Variants in CDH6 observed in about 807,000 individuals in gnomAD.
CDH6 encodes cadherin-6.
Under a neutral mutation model 78.0 loss-of-function variants are expected in CDH6, and 31 were observed. That is an observed-to-expected ratio of 0.40 (90% CI 0.30 to 0.54). The LOEUF is 0.54. Among genes scored for constraint, CDH6 ranks in the 20% least tolerant of loss-of-function variants. CDH6 has a pLI of 0.56. For synonymous variants in CDH6, 376 were observed against 368.8 expected (o/e 1.02, Z -0.23); for missense variants, 724 against 975.9 (o/e 0.74, Z 3.44).
At chr5:31,235,557 A>G (rs1226781455) in intron 1 of CDH6, among the ~76,000 whole-genome samples, 1 of 152,188 alleles carries the variant, frequency 6.6e-6, no homozygotes, top group Non-Finnish European at 1.5e-5. Flanking sequence ...GCAAGCAGCT[A>G]CTGACCACGT....
At position 31,293,948 on chromosome 5, in the gene CDH6, T is replaced by G. The variant is rs781538526; in HGVS notation, c.229-14T>G. 1.2e-5 allele frequency: 18 copies of G among 1,536,816 alleles called. No individual in the cohort carries two copies. In the Admixed American group the frequency reaches 1.3e-4, roughly 11 times the overall value. ...TTGACTTTTACTTTCTTTAATTTTTTTTTTCTACACTAGTTACATTCAGAC... is the reference window on the plus strand; with the variant it reads ...TTGACTTTTACTTTCTTTAATTTTTGTTTTCTACACTAGTTACATTCAGAC... On this transcript the variant is annotated splice_polypyrimidine_tract_variant and intron_variant, in intron 2 of 11. Coordinates refer to ENST00000265071, the MANE Select transcript of CDH6 (RefSeq NM_004932.4).
chr5:31,245,232 A>G (rs989411121), intron 1 of CDH6, among the ~76,000 whole-genome samples: 7 of 152,228 alleles, frequency 4.6e-5, no homozygotes, highest in Non-Finnish European at 1.0e-4. Context: ...AGGAAGGCCT[A>G]AAATAGTCAT....
intron 1 of CDH6, among the ~76,000 whole-genome samples, chr5:31,210,729 A>G (rs1370120990): frequency 1.3e-5 from 2 of 152,194 alleles, no homozygotes; most frequent in Admixed American, 1.3e-4. Context: ...TAAATTACTT[A>G]TAATACCTAA....
rs537751221 is a variant in CDH6 at position 31,325,002 on chromosome 5, A to G, written c.*1694A>G. On this transcript the variant is annotated 3_prime_UTR_variant, in exon 12 of 12. Coordinates refer to ENST00000265071, the MANE Select transcript of CDH6 (RefSeq NM_004932.4). ...TTTTCAATTAATATTAATTTTCTAC[A>G]AATAATTTTAGTGTCATTTCCATTT... is the stretch of plus-strand genomic sequence containing the variant. The G allele has an allele frequency of 2.0e-4, 41 of 207,712 alleles. No individual in the cohort carries two copies. The Admixed American group carries it at 2.4e-3, about 12-fold the overall frequency. 12.9% of individuals were successfully genotyped at this position (207,712 alleles called of 1,614,324 possible).
intron 1 of CDH6, among the ~76,000 whole-genome samples, chr5:31,224,404 G>A (rs1353887805): frequency 1.3e-5 from 2 of 152,244 alleles, no homozygotes; most frequent in South Asian, 2.1e-4. Flanking sequence ...ATATCACCCT[G>A]TAAGACATGG....
At chr5:31,311,553 C>A (rs768932228) in intron 7 of CDH6, among the ~76,000 whole-genome samples, 12 of 152,124 alleles carry the variant, frequency 7.9e-5, no homozygotes, top group Non-Finnish European at 7.4e-5. Context: ...TTCCTGGTAC[C>A]AATTTTCTGT....
intron 2 of CDH6, among the ~76,000 whole-genome samples, chr5:31,280,579 T>C (rs901455852): frequency 6.6e-6 from 1 of 152,164 alleles, no homozygotes; most frequent in African/African-American, 2.4e-5. Flanking sequence ...GTTATTAAAG[T>C]AGCAGAGAGT....
intron 6 of CDH6, 144 bp downstream of exon 6, chr5:31,302,442 G>C (rs1376821669): frequency 1.5e-6 from 1 of 655,670 alleles, no homozygotes; most frequent in African/African-American, 1.8e-5. Flanking sequence ...GCCAGTTCTG[G>C]CCGGGCATGG....
In CDH6 at chr5:31,317,899, C is replaced by T. The variant is rs1738371719; in HGVS notation, c.1857C>T (p.Ile619=). 6.2e-6 allele frequency: 10 copies of T among 1,613,794 alleles called. No homozygotes were observed. Among genetic ancestry groups the T allele is most frequent in the Admixed American group, 3.3e-5 (2 of 60,024 alleles). ...TGLSTGALVA[I]LLCIVILLVT... ...TGAGCACGGGGGCTCTGGTTGCCAT[C>T]CTTCTGTGCATCGTGATCCTACTAG... Residue 619 remains isoleucine (I), a synonymous_variant, in exon 11 of 12, where the codon ATC becomes ATT. Coordinates refer to ENST00000265071, the MANE Select transcript of CDH6 (RefSeq NM_004932.4).
Position 31,294,323 on chromosome 5 carries a change from C to A in CDH6, c.523+67C>A. The A allele has an allele frequency of 7.5e-7, 1 of 1,338,134 alleles. No homozygotes were observed. The highest frequency in any genetic ancestry group is 1.0e-6 in the Non-Finnish European group (1 of 955,884). 82.9% of individuals were successfully genotyped at this position (1,338,134 alleles called of 1,614,324 possible). On this transcript the variant is annotated intron_variant, in intron 3 of 11. Coordinates refer to ENST00000265071, the MANE Select transcript of CDH6 (RefSeq NM_004932.4). The surrounding 1 kb of genome is among the most constrained non-coding windows in gnomAD (Gnocchi z 4.1). ...AGTGCATCCACTGAGTAAGGAATCC[C>A]ACGAGCTCAAAGTACTGAACTGCAT...
chr5:31,202,550 C>A (rs889938452), intron 1 of CDH6, among the ~76,000 whole-genome samples: 1 of 151,894 alleles, frequency 6.6e-6, no homozygotes, highest in Non-Finnish European at 1.5e-5. Flanking sequence ...GAGGGAGAAT[C>A]GCTGGAACCC....
chr5:31,307,060 A>G (rs765656322), intron 7 of CDH6, among the ~76,000 whole-genome samples: 1 of 152,082 alleles, frequency 6.6e-6, no homozygotes. Flanking sequence ...CAGCTGGAAG[A>G]GAGTGAGAGA....
chr5:31,217,058 C>G (rs985098193), intron 1 of CDH6, among the ~76,000 whole-genome samples: 1 of 151,896 alleles, frequency 6.6e-6, no homozygotes, highest in African/African-American at 2.4e-5. Context: ...GTAATTCAGC[C>G]CAGGGCGTGT....
intron 1 of CDH6, among the ~76,000 whole-genome samples, chr5:31,263,994 C>G (rs59775462): frequency 0.03 from 4,557 of 152,244 alleles, 243 homozygotes; most frequent in African/African-American, 0.1. Flanking sequence ...ATGAATGAGT[C>G]CATCCTCCAG....
intron 2 of CDH6, among the ~76,000 whole-genome samples, chr5:31,288,602 G>T (rs191118005): frequency 6.6e-6 from 1 of 152,238 alleles, no homozygotes. Context: ...ATGCAGTTAA[G>T]CCTCAATTTG....
intron 2 of CDH6, among the ~76,000 whole-genome samples, chr5:31,274,713 A>G (rs999102668): frequency 5.9e-5 from 9 of 152,212 alleles, no homozygotes; most frequent in Non-Finnish European, 1.3e-4. Flanking sequence ...CCAGCTACTC[A>G]GGAGACTGAG....
intron 1 of CDH6, among the ~76,000 whole-genome samples, chr5:31,200,868 A>G (rs572711502): frequency 6.6e-6 from 1 of 152,280 alleles, no homozygotes; most frequent in East Asian, 1.9e-4. Flanking sequence ...GCCTTCAAGG[A>G]AAGTTTGATC....
At chr5:31,266,208 A>G (rs1742349408) in intron 1 of CDH6, among the ~76,000 whole-genome samples, 1 of 152,186 alleles carries the variant, frequency 6.6e-6, no homozygotes, top group African/African-American at 2.4e-5. Context: ...TAGTAAACCA[A>G]TTTGGGACAT....
chr5:31,278,576 G>C (rs1742765617), intron 2 of CDH6, among the ~76,000 whole-genome samples: 1 of 152,110 alleles, frequency 6.6e-6, no homozygotes, highest in Non-Finnish European at 1.5e-5. Flanking sequence ...TCTTAAAATT[G>C]CTAAGAAGCT....
Sources: allele counts gnomAD v4.1 joint callset (sites outside exome capture counted in the v4.1 genomes callset), GRCh38; gene constraint gnomAD v4.1.1; non-coding constraint Gnocchi (gnomAD v3.1); transcripts MANE v1.5; gene names NCBI Gene and HGNC (gene_info 2026-07-23, HGNC 2026-07-21).